Variants in RAB11FIP2 observed in about 807,000 individuals in gnomAD.
RAB11FIP2 encodes the protein rab11 family-interacting protein 2.
In RAB11FIP2, 16 loss-of-function variants were observed where a neutral mutation model predicts 40.9. The ratio of observed to expected loss-of-function variants is 0.39; its 90% CI spans 0.26 to 0.59. The LOEUF is 0.59. RAB11FIP2 is among the 20% of genes least tolerant of loss of function. The pLI is 0.53. For missense variants in RAB11FIP2, 532 were observed against 606.2 expected, an observed-to-expected ratio of 0.88 and a Z score of 1.28; for synonymous variants, 228 against 213.7, an observed-to-expected ratio of 1.07 and a Z score of -0.58.
chr10:118,010,365 G>T (rs771564126), intron 4 of RAB11FIP2, among the ~76,000 whole-genome samples: 3 of 152,072 alleles, frequency 2.0e-5, no homozygotes, highest in Non-Finnish European at 4.4e-5. Flanking sequence ...TTGCTGTTAA[G>T]GAATACTATC....
intron 3 of RAB11FIP2, among the ~76,000 whole-genome samples, chr10:118,023,639 G>C (rs1846307374): frequency 6.6e-6 from 1 of 152,162 alleles, no homozygotes; most frequent in South Asian, 2.1e-4. Flanking sequence ...TGACACCAAA[G>C]ATCACGGACA....
rs1486818471 is a variant in RAB11FIP2, at chr10:118,030,297, T to C, written c.1265+8675A>G. Among the ~76,000 whole-genome samples, 7 of 152,170 alleles carry C rather than the reference T, an allele frequency of 4.6e-5. No individual in the cohort carries two copies. The East Asian group carries it at 1.4e-3, about 29-fold the overall frequency. ...AGTCAGTGCACTGGGGTCACTGGAA[T>C]ACAATCTTACTACTTTCCTATCAGA... On this transcript the variant is annotated intron_variant, in intron 3 of 4. Coordinates refer to ENST00000355624, the MANE Select transcript of RAB11FIP2 (RefSeq NM_014904.3).
intron 3 of RAB11FIP2, among the ~76,000 whole-genome samples, chr10:118,026,828 T>C (rs1002612246): frequency 6.6e-6 from 1 of 152,240 alleles, no homozygotes; most frequent in Admixed American, 6.5e-5. Context: ...AGAATACTTT[T>C]ACTTAATTTC....
At chr10:118,037,463 CTATT>C (rs1846495690) in intron 3 of RAB11FIP2, among the ~76,000 whole-genome samples, 2 of 152,172 alleles carry the variant, frequency 1.3e-5, no homozygotes, top group East Asian at 3.9e-4. Context: ...TGTTAATACT[CTATT>C]TGCTGTTTCT....
chr10:118,008,124 G>C lies in RAB11FIP2; in HGVS notation c.*874C>G, dbSNP rs996694044. 3 of 152,256 alleles carry C rather than the reference G, an allele frequency of 2.0e-5. No homozygotes were observed. The highest frequency in any genetic ancestry group is 4.4e-5 in the Non-Finnish European group (3 of 67,984). 9.4% of individuals were successfully genotyped at this position (152,256 alleles called of 1,614,324 possible). A position where few individuals can be genotyped will look rare whatever the true frequency, so the allele number is the denominator to read the frequency against. On this transcript the variant is annotated 3_prime_UTR_variant, in exon 5 of 5. Transcript: ENST00000355624. ...AACAAGCTATATTAGCTTATCTTCT[G>C]CTTATACCTTAAACAAACTCAAATG...
chr10:118,010,177 A>G (rs960616913), intron 4 of RAB11FIP2, among the ~76,000 whole-genome samples: 8 of 152,186 alleles, frequency 5.3e-5, no homozygotes, highest in African/African-American at 1.7e-4. Flanking sequence ...TATAGCATTA[A>G]GAGTTTTCAT....
chr10:118,045,069 CT>C (rs1247065626), intron 1 of RAB11FIP2, among the ~76,000 whole-genome samples: 5 of 152,102 alleles, frequency 3.3e-5, no homozygotes, highest in Non-Finnish European at 5.9e-5. Context: ...GAAAAGACCA[CT>C]GAAGATGTTA....
intron 2 of RAB11FIP2, chr10:118,039,726 T>C (rs1846530006): frequency 2.6e-6 from 1 of 384,096 alleles, no homozygotes; most frequent in Admixed American, 4.2e-5. Context: ...ATGATAATGT[T>C]AAAAATTCTC....
At chr10:118,044,160 T>C (rs913687478) in intron 1 of RAB11FIP2, among the ~76,000 whole-genome samples, 1 of 152,204 alleles carries the variant, frequency 6.6e-6, no homozygotes, top group Admixed American at 6.5e-5. Flanking sequence ...TGCCCAGGAC[T>C]AGGAGTAAAA....
intron 2 of RAB11FIP2, 103 bp downstream of exon 2, chr10:118,040,020 A>C: frequency 8.5e-7 from 1 of 1,173,908 alleles, no homozygotes; most frequent in Non-Finnish European, 1.2e-6. Context: ...TTTGGAAAAT[A>C]CTACAAAGCA....
chr10:118,036,574 T>A (rs1459463875), intron 3 of RAB11FIP2, among the ~76,000 whole-genome samples: 1 of 152,138 alleles, frequency 6.6e-6, no homozygotes, highest in Admixed American at 6.5e-5. Context: ...TGGGTCTATT[T>A]ATATTCAATT....
At chr10:118,037,022 C>CT (rs972412198) in intron 3 of RAB11FIP2, among the ~76,000 whole-genome samples, 2 of 151,982 alleles carry the variant, frequency 1.3e-5, no homozygotes, top group African/African-American at 4.8e-5. Flanking sequence ...CATTTTCTTG[C>CT]TTTTCTTCTG....
At chr10:118,038,905 G>A in intron 3 of RAB11FIP2, 67 bp downstream of exon 3, 1 of 1,033,252 alleles carries the variant, frequency 9.7e-7, no homozygotes. Context: ...GCATTTAAAA[G>A]AAATATTTGA....
At chr10:118,039,506 T>C in intron 2 of RAB11FIP2, 66 bp from the exon 3 acceptor site, 1 of 1,342,762 alleles carries the variant, frequency 7.4e-7, no homozygotes, top group Non-Finnish European at 1.0e-6. Flanking sequence ...TGACACAGTC[T>C]GTGTGCATTC....
intron 3 of RAB11FIP2, among the ~76,000 whole-genome samples, chr10:118,019,695 A>G (rs1846260557): frequency 2.0e-5 from 3 of 152,090 alleles, no homozygotes; most frequent in South Asian, 2.1e-4. Flanking sequence ...GCGTGGTGGC[A>G]GGCGCCTGTA....
intron 4 of RAB11FIP2, among the ~76,000 whole-genome samples, chr10:118,010,374 T>C (rs999983594): frequency 1.3e-5 from 2 of 152,150 alleles, no homozygotes; most frequent in South Asian, 2.1e-4. Context: ...AGGAATACTA[T>C]CTAATCTATT....
chr10:118,042,460 T>C (rs1846572675), intron 1 of RAB11FIP2, among the ~76,000 whole-genome samples: 1 of 152,154 alleles, frequency 6.6e-6, no homozygotes, highest in Non-Finnish European at 1.5e-5. Flanking sequence ...ATGAATAACA[T>C]CTGCAGGAAA....
intron 3 of RAB11FIP2, among the ~76,000 whole-genome samples, chr10:118,037,115 T>G (rs1392493799): frequency 1.3e-5 from 2 of 152,058 alleles, no homozygotes; most frequent in Admixed American, 1.3e-4. Context: ...AAAAGTTTAG[T>G]AAAGAGGGAA....
rs1846538569 is a variant in RAB11FIP2, at chr10:118,040,267, C to T, written c.652G>A (p.Gly218Ser). The change falls in exon 2 of 5, where the codon GGT becomes AGT. Residue 218 changes from glycine (G) to serine (S), a missense_variant. Physicochemically the swap from Gly to Ser is moderately conservative, Grantham distance 56. Coordinates refer to ENST00000355624, the MANE Select transcript of RAB11FIP2 (RefSeq NM_014904.3). ...KSKPKKPFLL[G>S]PQRLSSAHSM... ...TGCGCTGACGAGAGTCGCTGAGGACCCAAGAGAAAAGGCTTTTTTGGTTTG... is the reference window on the plus strand; with the variant it reads ...TGCGCTGACGAGAGTCGCTGAGGACTCAAGAGAAAAGGCTTTTTTGGTTTG... The T allele has an allele frequency of 6.2e-7, 1 of 1,613,676 alleles. No individual in the cohort carries two copies. Among genetic ancestry groups the T allele is most frequent in the Non-Finnish European group, 8.5e-7 (1 of 1,179,798 alleles).
Sources: gnomAD v4.1 joint callset for allele counts (sites outside exome capture counted in the v4.1 genomes callset) on GRCh38, gnomAD v4.1.1 for gene constraint, MANE v1.5 for transcripts, NCBI Gene and HGNC (gene_info 2026-07-23, HGNC 2026-07-21) for gene names.